Variants in DDAH1 observed in about 807,000 individuals in gnomAD.
DDAH1 encodes the protein dimethylarginine dimethylaminohydrolase 1, also known as N(G),N(G)-dimethylarginine dimethylaminohydrolase 1.
DDAH1 carries 19 observed loss-of-function variants against 28.8 expected under a neutral mutation model. The ratio of observed to expected loss-of-function variants is 0.66; its 90% CI spans 0.46 to 0.97. DDAH1 has a LOEUF of 0.97. Among genes scored for constraint, DDAH1 ranks in the 50% least tolerant of loss-of-function variants. DDAH1 has a pLI of 0.00. For synonymous variants in DDAH1, 153 were observed against 154.4 expected, an observed-to-expected ratio of 0.99 and a Z score of 0.07; for missense variants, 326 against 375.9, an observed-to-expected ratio of 0.87 and a Z score of 1.10.
At chr1:85,513,482 A>G (rs147463675) in intron 1 of DDAH1, among the ~76,000 whole-genome samples, 1,663 of 152,316 alleles carry the variant, frequency 0.011, 32 homozygotes, top group African/African-American at 0.038. Context: ...AATGGCAACA[A>G]AAGCCAAAAT....
chr1:85,528,227 TA>T (rs10599273), intron 1 of DDAH1, among the ~76,000 whole-genome samples: 2,114 of 150,334 alleles, frequency 0.014, 49 homozygotes, highest in African/African-American at 0.047. Context: ...TAAATGTATA[TA>T]AAAAAAAATT....
chr1:85,328,687 T>C (rs970594990), intron 4 of DDAH1, among the ~76,000 whole-genome samples: 5 of 152,230 alleles, frequency 3.3e-5, no homozygotes, highest in African/African-American at 1.2e-4. Flanking sequence ...AGAGGTTTAC[T>C]AAGTAGGACC....
chr1:85,419,784 T>A (rs1653057040), intron 1 of DDAH1, among the ~76,000 whole-genome samples: 1 of 152,176 alleles, frequency 6.6e-6, no homozygotes, highest in Non-Finnish European at 1.5e-5. Context: ...TGCATTTGAA[T>A]CCTCATGCCT....
chr1:85,358,904 A>G (rs1649635089), intron 1 of DDAH1, 57 bp from the exon 2 acceptor site: 4 of 1,256,772 alleles, frequency 3.2e-6, no homozygotes, highest in Non-Finnish European at 4.6e-6. Flanking sequence ...CAAGAAAAAA[A>G]CATCCAAAAC....
chr1:85,416,791 C>T (rs6685360), intron 1 of DDAH1, among the ~76,000 whole-genome samples: 151,139 of 152,256 alleles, frequency 0.99, 75,029 homozygotes, highest in Middle Eastern at 1. Context: ...TCTCAGTCTT[C>T]TGAGTAGCTG....
chr1:85,433,255 G>A (rs1015235556), intron 1 of DDAH1, among the ~76,000 whole-genome samples: 1 of 152,154 alleles, frequency 6.6e-6, no homozygotes, highest in Non-Finnish European at 1.5e-5. Context: ...CCTGGCAAGG[G>A]ACTCAGGCTG....
chr1:85,396,182 C>T (rs1651805681), intron 1 of DDAH1, among the ~76,000 whole-genome samples: 1 of 152,032 alleles, frequency 6.6e-6, no homozygotes, highest in African/African-American at 2.4e-5. Context: ...GACAAACTTC[C>T]CAAAATGAAA....
intron 1 of DDAH1, among the ~76,000 whole-genome samples, chr1:85,407,809 T>C (rs1652475634): frequency 6.6e-6 from 1 of 152,232 alleles, no homozygotes; most frequent in Non-Finnish European, 1.5e-5. Flanking sequence ...TCTAAGTTTA[T>C]GCATACATGT....
At chr1:85,337,317 C>G (rs1176263710) in intron 4 of DDAH1, among the ~76,000 whole-genome samples, 3 of 152,116 alleles carry the variant, frequency 2.0e-5, no homozygotes, top group African/African-American at 7.2e-5. Flanking sequence ...CACACTATTA[C>G]AAGTGCATCT....
At chr1:85,557,177 A>G (rs1658996999) in intron 1 of DDAH1, among the ~76,000 whole-genome samples, 1 of 152,186 alleles carries the variant, frequency 6.6e-6, no homozygotes, top group Non-Finnish European at 1.5e-5. Flanking sequence ...CAACATCTAG[A>G]TTCAGGGGAA....
rs183776606 is a variant in DDAH1 at position 85,374,872 on chromosome 1, T to C, written c.304-16025A>G. ...AAATTATCTTCTGAAAACAGTCTTT[T>C]GTTGTTAGGTAACTGCAAATAAAAT... is the stretch of plus-strand genomic sequence containing the variant. On this transcript the variant is annotated intron_variant, in intron 1 of 5. Transcript: ENST00000284031. Among the ~76,000 whole-genome samples, 123 of 152,320 alleles carry C rather than the reference T, an allele frequency of 8.1e-4. 1 individual carries two copies. The highest frequency in any genetic ancestry group is 5.0e-3 in the South Asian group (24 of 4,832).
At chr1:85,479,319 G>A (rs1423395971) in intron 2 of DDAH1, among the ~76,000 whole-genome samples, 4 of 151,148 alleles carry the variant, frequency 2.6e-5, no homozygotes, top group South Asian at 2.1e-4. Flanking sequence ...GACTACAGGC[G>A]CCCGCCACCG....
chr1:85,513,057 G>A (rs908844781), intron 1 of DDAH1, among the ~76,000 whole-genome samples: 56 of 152,152 alleles, frequency 3.7e-4, no homozygotes, highest in Non-Finnish European at 5.6e-4. Context: ...ATCCTAAGCA[G>A]AAAGAACAAA....
exon 2 of DDAH1, chr1:85,496,268 C>T (rs1037461024): frequency 1.3e-5 from 13 of 979,152 alleles, no homozygotes; most frequent in Non-Finnish European, 1.6e-5. Flanking sequence ...AGCTCCTTTT[C>T]CATACAGATG....
chr1:85,556,169 T>C (rs1658962920), intron 1 of DDAH1, among the ~76,000 whole-genome samples: 1 of 151,540 alleles, frequency 6.6e-6, no homozygotes, highest in African/African-American at 2.4e-5. Context: ...TTCTCCTCCT[T>C]CCCCTGGGAA....
chr1:85,321,684 A>C, intron 5 of DDAH1, 116 bp from the exon 6 acceptor site: 1 of 813,922 alleles, frequency 1.2e-6, no homozygotes, highest in Non-Finnish European at 2.1e-6. Context: ...ATCCCAAGAC[A>C]CACAGGCAGT....
intron 1 of DDAH1, among the ~76,000 whole-genome samples, chr1:85,567,762 A>G (rs1291911199): frequency 6.6e-6 from 1 of 152,210 alleles, no homozygotes; most frequent in Non-Finnish European, 1.5e-5. Context: ...AGAAAAATAG[A>G]CATATTCATA....
At chr1:85,377,945 A>G (rs1480904382) in intron 1 of DDAH1, among the ~76,000 whole-genome samples, 1 of 152,224 alleles carries the variant, frequency 6.6e-6, no homozygotes, top group African/African-American at 2.4e-5. Context: ...ATGTATATAT[A>G]ACGTGAGCAT....
chr1:85,414,815 C>T (rs1557601160), intron 1 of DDAH1, among the ~76,000 whole-genome samples: 1 of 151,942 alleles, frequency 6.6e-6, no homozygotes, highest in Non-Finnish European at 1.5e-5. Flanking sequence ...ACTCAAACAA[C>T]ATTTGATGAA....
Sources: gnomAD v4.1 joint callset for allele counts (sites outside exome capture counted in the v4.1 genomes callset) on GRCh38, gnomAD v4.1.1 for gene constraint, MANE v1.5 for transcripts, NCBI Gene and HGNC (gene_info 2026-07-23, HGNC 2026-07-21) for gene names.